The following PLXNA4 variants were observed in gnomAD, a reference collection of about 807,000 sequenced individuals.
The protein encoded by PLXNA4 is plexin-A4.
A neutral mutation model predicts 191.8 loss-of-function variants in PLXNA4; 44 were observed. The observed-to-expected ratio is 0.23, with a 90% CI of 0.18 to 0.29. The LOEUF is 0.29. Ranked by LOEUF, PLXNA4 falls within the 10% of genes least tolerant of loss-of-function variation. PLXNA4 has a pLI of 1.00. For missense variants in PLXNA4, 1,800 were observed against 2,488.8 expected (o/e 0.72, Z 5.89); for synonymous variants, 1,082 against 1,009.5 (o/e 1.07, Z -1.36).
chr7:132,137,052 A>G (rs1795133497), intron 30 of PLXNA4, among the ~76,000 whole-genome samples: 1 of 152,048 alleles, frequency 6.6e-6, no homozygotes, highest in Non-Finnish European at 1.5e-5. Context: ...TACCCAACTC[A>G]CTCATGATGG....
chr7:132,438,771 C>T (rs1055545551), intron 3 of PLXNA4, among the ~76,000 whole-genome samples: 2 of 152,108 alleles, frequency 1.3e-5, no homozygotes, highest in African/African-American at 4.8e-5. Flanking sequence ...TTAATATTGA[C>T]AATTCTGTTC....
chr7:132,262,334 T>G (rs1799677000), intron 4 of PLXNA4, among the ~76,000 whole-genome samples: 1 of 152,136 alleles, frequency 6.6e-6, no homozygotes, highest in South Asian at 2.1e-4. Flanking sequence ...TCTCCGTCAT[T>G]AGGCTGTGGA....
intron 2 of PLXNA4, among the ~76,000 whole-genome samples, chr7:132,596,256 TG>T (rs1426277163): frequency 6.6e-6 from 1 of 152,224 alleles, no homozygotes; most frequent in Non-Finnish European, 1.5e-5. Flanking sequence ...TAGAAATGGC[TG>T]CCATCTTGAC....
chr7:132,154,604 C>T (rs1795741089), intron 25 of PLXNA4, among the ~76,000 whole-genome samples: 1 of 152,146 alleles, frequency 6.6e-6, no homozygotes, highest in Admixed American at 6.5e-5. Context: ...AGGCTGAGCC[C>T]CGCTTCCTGA....
At chr7:132,194,230 A>T in intron 13 of PLXNA4, 51 bp from the exon 14 acceptor site, 1 of 1,573,006 alleles carries the variant, frequency 6.4e-7, no homozygotes, top group Non-Finnish European at 8.7e-7. Context: ...TCCAGCCAAG[A>T]CCCTGCACCC....
At chr7:132,239,254 T>A (rs557033093) in intron 5 of PLXNA4, among the ~76,000 whole-genome samples, 1 of 152,250 alleles carries the variant, frequency 6.6e-6, no homozygotes, top group South Asian at 2.1e-4. Context: ...CCTCCTCTCA[T>A]GTCTGCTTAC....
chr7:132,330,882 AAT>A (rs111451183), intron 3 of PLXNA4, among the ~76,000 whole-genome samples: 9,048 of 152,232 alleles, frequency 0.059, 383 homozygotes, highest in African/African-American at 0.12. Flanking sequence ...AAACATAATA[AAT>A]ATGTTTTTCT....
chr7:132,585,134 GA>G (rs1802483681), intron 2 of PLXNA4, among the ~76,000 whole-genome samples: 1 of 152,122 alleles, frequency 6.6e-6, no homozygotes, highest in Admixed American at 6.5e-5. Flanking sequence ...CTTGGCCAGA[GA>G]ACTTCTGTTT....
intron 21 of PLXNA4, among the ~76,000 whole-genome samples, chr7:132,172,766 TA>T (rs1339321039): frequency 6.6e-6 from 1 of 151,264 alleles, no homozygotes; most frequent in African/African-American, 2.4e-5. Flanking sequence ...AGTATAATAA[TA>T]ATAATAATAA....
chr7:132,404,320 G>T (rs1329270094), intron 3 of PLXNA4, among the ~76,000 whole-genome samples: 1 of 152,210 alleles, frequency 6.6e-6, no homozygotes, highest in Non-Finnish European at 1.5e-5. Context: ...GACTATGGGG[G>T]ACTCCCCCCA....
At chr7:132,493,146 T>C (rs1015310823) in intron 2 of PLXNA4, among the ~76,000 whole-genome samples, 1 of 152,126 alleles carries the variant, frequency 6.6e-6, no homozygotes, top group Admixed American at 6.5e-5. Context: ...TGATGTGGCT[T>C]CCTGAGCACC....
chr7:132,220,176 C>A (rs1419525761), intron 9 of PLXNA4, among the ~76,000 whole-genome samples: 2 of 152,238 alleles, frequency 1.3e-5, no homozygotes, highest in South Asian at 4.1e-4. Flanking sequence ...GTTCTGAGGA[C>A]AATGACCTCC....
chr7:132,278,971 G>T (rs1247043180), intron 4 of PLXNA4, among the ~76,000 whole-genome samples: 1 of 152,188 alleles, frequency 6.6e-6, no homozygotes, highest in Admixed American at 6.5e-5. Context: ...ATCGTGACTC[G>T]GCTGGCTCTG....
At chr7:132,175,903 T>C (rs1412742438) in intron 20 of PLXNA4, among the ~76,000 whole-genome samples, 2 of 151,032 alleles carry the variant, frequency 1.3e-5, no homozygotes, top group Non-Finnish European at 3.0e-5. Flanking sequence ...AAAATATTTC[T>C]TTCTATTTAC....
intron 2 of PLXNA4, among the ~76,000 whole-genome samples, chr7:132,635,629 G>A (rs769128690): frequency 2.6e-5 from 4 of 152,120 alleles, no homozygotes; most frequent in Non-Finnish European, 4.4e-5. Context: ...TCCCCAGGAC[G>A]GGCTCTTTCT....
chr7:132,311,912 C>A (rs971299227), intron 3 of PLXNA4, among the ~76,000 whole-genome samples: 1 of 152,102 alleles, frequency 6.6e-6, no homozygotes, highest in Non-Finnish European at 1.5e-5. Flanking sequence ...GATGACATCA[C>A]CAGACAGAGC....
intron 3 of PLXNA4, among the ~76,000 whole-genome samples, chr7:132,418,143 C>T (rs930943035): frequency 1.3e-5 from 2 of 152,140 alleles, no homozygotes; most frequent in Non-Finnish European, 2.9e-5. Flanking sequence ...ACAAGCACTG[C>T]CCTTCTTGTT....
chr7:132,178,750 C>CACACTTGTAAATGAAACACAT (rs1796569199), intron 20 of PLXNA4, among the ~76,000 whole-genome samples: 1 of 31,888 alleles, frequency 3.1e-5, no homozygotes, highest in East Asian at 1.2e-3. Flanking sequence ...GAAACACATA[C>CACACTTGTAAATGAAACACAT]ACACACACAC....
chr7:132,570,897 T>G (rs1306002187), intron 1 of PLXNA4, among the ~76,000 whole-genome samples: 2 of 152,194 alleles, frequency 1.3e-5, no homozygotes, highest in Admixed American at 6.5e-5. Context: ...CTCCAACACC[T>G]GTTGGTTTCA....
Sources: gnomAD v4.1 joint callset for allele counts (sites outside exome capture counted in the v4.1 genomes callset) on GRCh38, gnomAD v4.1.1 for gene constraint, MANE v1.5 for transcripts, NCBI Gene and HGNC (gene_info 2026-07-23, HGNC 2026-07-21) for gene names.